The following BRINP2 variants were observed in gnomAD, a reference collection of about 807,000 sequenced individuals.
BRINP2 encodes the protein BMP/retinoic acid inducible neural specific 2.
Under a neutral mutation model 69.2 loss-of-function variants are expected in BRINP2, and 21 were observed. That is an observed-to-expected ratio of 0.30 (90% CI 0.22 to 0.44). The LOEUF is 0.44. BRINP2 is among the 20% of genes least tolerant of loss of function. The pLI is 1.00. For missense variants in BRINP2, 877 were observed against 986.0 expected (o/e 0.89, Z 1.48); for synonymous variants, 380 against 394.1 (o/e 0.96, Z 0.42).
At chr1:177,248,486 T>C (rs1008494054) in intron 2 of BRINP2, among the ~76,000 whole-genome samples, 1 of 151,220 alleles carries the variant, frequency 6.6e-6, no homozygotes, top group African/African-American at 2.4e-5. Context: ...TGTGTGTGTG[T>C]GTGCGTGCGT....
intron 1 of BRINP2, among the ~76,000 whole-genome samples, chr1:177,175,294 G>GC (rs571606766): frequency 8.1e-4 from 123 of 152,156 alleles, no homozygotes; most frequent in African/African-American, 2.9e-3. Context: ...GCGGGGTGGG[G>GC]GGGGCAGGAT....
At chr1:177,183,440 A>G (rs1648326079) in intron 1 of BRINP2, among the ~76,000 whole-genome samples, 1 of 152,196 alleles carries the variant, frequency 6.6e-6, no homozygotes, top group Non-Finnish European at 1.5e-5. Context: ...CAGGGCCAGC[A>G]ATATCTTTGT....
intron 1 of BRINP2, among the ~76,000 whole-genome samples, chr1:177,173,090 G>C (rs564477856): frequency 1.3e-5 from 2 of 152,280 alleles, no homozygotes; most frequent in African/African-American, 4.8e-5. Flanking sequence ...GCTGGAGTTT[G>C]TGTGCTTTCC....
chr1:177,245,983 C>T (rs1650364525), intron 2 of BRINP2, among the ~76,000 whole-genome samples: 1 of 152,146 alleles, frequency 6.6e-6, no homozygotes, highest in African/African-American at 2.4e-5. Context: ...ATTGGCCAAT[C>T]ATTGTTTACG....
rs529848293 is a variant in BRINP2 at position 177,233,899 on chromosome 1, A to G, written c.269+3754A>G. The stretch of plus-strand genomic sequence containing the variant: ...CATAGTCTTAGGATACACCATGAAG[A>G]GAACAGAGACAATATGCACTCTGGT... On this transcript the variant is annotated intron_variant, in intron 2 of 7. Coordinates refer to ENST00000361539, the MANE Select transcript of BRINP2 (RefSeq NM_021165.4). Among the ~76,000 whole-genome samples, 3 of 152,220 alleles carry G rather than the reference A, an allele frequency of 2.0e-5. No homozygotes were observed. In the South Asian group the frequency reaches 6.2e-4, roughly 31 times the overall value.
At chr1:177,219,453 G>A (rs559304837) in intron 1 of BRINP2, among the ~76,000 whole-genome samples, 29 of 152,276 alleles carry the variant, frequency 1.9e-4, no homozygotes, top group East Asian at 1.2e-3. Context: ...TTCATTGAGC[G>A]GCATATAGTT....
At chr1:177,200,855 T>G (rs1312331680) in intron 1 of BRINP2, among the ~76,000 whole-genome samples, 2 of 152,208 alleles carry the variant, frequency 1.3e-5, no homozygotes, top group Non-Finnish European at 2.9e-5. Context: ...TTACTCAATA[T>G]TTTTTGAAAT....
chr1:177,235,909 A>G (rs1650006775), intron 2 of BRINP2, among the ~76,000 whole-genome samples: 1 of 152,224 alleles, frequency 6.6e-6, no homozygotes, highest in South Asian at 2.1e-4. Context: ...GGCCCAAAGT[A>G]AAATGGTTGA....
chr1:177,256,975 C>T (rs1474323193), intron 3 of BRINP2: 1 of 1,470,922 alleles, frequency 6.8e-7, no homozygotes, highest in Admixed American at 2.2e-5. Context: ...GGAAGAGGGC[C>T]TTTCAGGCAG....
intron 2 of BRINP2, among the ~76,000 whole-genome samples, chr1:177,243,425 A>G (rs1650267731): frequency 6.6e-6 from 1 of 152,220 alleles, no homozygotes; most frequent in Non-Finnish European, 1.5e-5. Flanking sequence ...CATAAAAGAC[A>G]AGGCCTCAAG....
chr1:177,254,108 A>G (rs970098447), intron 2 of BRINP2, among the ~76,000 whole-genome samples: 3 of 152,178 alleles, frequency 2.0e-5, no homozygotes, highest in African/African-American at 7.2e-5. Context: ...TCCCCTTTAA[A>G]ATGCAAACAT....
At chr1:177,208,552 T>C (rs1432809254) in intron 1 of BRINP2, among the ~76,000 whole-genome samples, 2 of 152,196 alleles carry the variant, frequency 1.3e-5, no homozygotes, top group African/African-American at 4.8e-5. Context: ...GCTGAATCTG[T>C]AGAGAGTGTG....
chr1:177,256,505 T>A, intron 3 of BRINP2: 1 of 985,394 alleles, frequency 1.0e-6, no homozygotes, highest in Non-Finnish European at 1.2e-6. Context: ...TGACCCCTCT[T>A]CCTCTCTATA....
At position 177,220,647 on chromosome 1, in the gene BRINP2, A is replaced by C. The variant is rs1397498734; in HGVS notation, c.-76-9154A>C. 2.0e-5 allele frequency among the ~76,000 whole-genome samples: 3 copies of C among 152,188 alleles called. No homozygotes were observed. In the East Asian group the frequency reaches 5.8e-4, roughly 29 times the overall value. On this transcript the variant is annotated intron_variant, in intron 1 of 7. Transcript: ENST00000361539. ...CCAGTCTTGGGTGTTTCTTTGTAGC[A>C]ATGCAATAACGGCCTAATGCAGGGT...
intron 1 of BRINP2, among the ~76,000 whole-genome samples, chr1:177,189,483 G>A (rs1648525273): frequency 6.6e-6 from 1 of 152,120 alleles, no homozygotes; most frequent in Admixed American, 6.5e-5. Context: ...TCCAGAAAAG[G>A]ACCATAGCCA....
rs1174103751 is a variant in BRINP2 at position 177,171,119 on chromosome 1, G to A, written c.-690G>A. On this transcript the variant is annotated 5_prime_UTR_variant, in exon 1 of 8. Coordinates refer to ENST00000361539, the MANE Select transcript of BRINP2 (RefSeq NM_021165.4). The stretch of plus-strand genomic sequence containing the variant: ...AGGATCCCATTAGGACTTGCCCGGG[G>A]ATGTGCACCTGCCGTGCGCTCCGAG... Among the ~76,000 whole-genome samples the A allele has an allele frequency of 6.6e-6, 1 of 152,242 alleles. No homozygotes were observed. The highest frequency in any genetic ancestry group is 2.4e-5 in the African/African-American group (1 of 41,464).
chr1:177,278,498 C>A (rs1371276859), intron 6 of BRINP2, 65 bp from the exon 7 acceptor site: 1 of 1,460,884 alleles, frequency 6.8e-7, no homozygotes, highest in South Asian at 1.1e-5. Context: ...GGGCAGCGTC[C>A]ACTTGCCCCT....
intron 1 of BRINP2, among the ~76,000 whole-genome samples, chr1:177,183,681 G>A (rs1419028753): frequency 6.6e-6 from 1 of 152,200 alleles, no homozygotes; most frequent in Admixed American, 6.5e-5. Context: ...AACAGTTTAT[G>A]AAGATATTTT....
intron 4 of BRINP2, among the ~76,000 whole-genome samples, chr1:177,267,174 G>T (rs1651155280): frequency 6.6e-6 from 1 of 152,210 alleles, no homozygotes; most frequent in Admixed American, 6.5e-5. Flanking sequence ...TTGAATATAA[G>T]AATAGTTTAT....
Sources: gnomAD v4.1 joint callset for allele counts (sites outside exome capture counted in the v4.1 genomes callset) on GRCh38, gnomAD v4.1.1 for gene constraint, MANE v1.5 for transcripts, NCBI Gene and HGNC (gene_info 2026-07-23, HGNC 2026-07-21) for gene names.